Variants in DOCK8 observed in about 807,000 individuals in gnomAD.
The protein encoded by DOCK8 is dedicator of cytokinesis 8, also known as dedicator of cytokinesis protein 8.
DOCK8 carries 141 observed loss-of-function variants against 245.6 expected under a neutral mutation model. The ratio of observed to expected loss-of-function variants is 0.57; its 90% CI spans 0.50 to 0.66. The LOEUF is 0.66. Among genes scored for constraint, DOCK8 ranks in the 30% least tolerant of loss-of-function variants. DOCK8 has a pLI of 0.00. For missense variants in DOCK8, 2,965 were observed against 2,603.4 expected, an observed-to-expected ratio of 1.14 and a Z score of -3.02; for synonymous variants, 1,168 against 970.2, an observed-to-expected ratio of 1.20 and a Z score of -3.79.
At chr9:323,290 C>G (rs557150175) in intron 7 of DOCK8, among the ~76,000 whole-genome samples, 1 of 128,822 alleles carries the variant, frequency 7.8e-6, no homozygotes, top group African/African-American at 2.9e-5. Context: ...GTGGCATGAT[C>G]TCGGCTCACT....
intron 46 of DOCK8, among the ~76,000 whole-genome samples, chr9:455,799 A>C (rs1482147311): frequency 6.6e-6 from 1 of 151,872 alleles, no homozygotes; most frequent in Non-Finnish European, 1.5e-5. Context: ...ATAAAATAAA[A>C]TTTTAATGGC....
intron 2 of DOCK8, among the ~76,000 whole-genome samples, chr9:275,274 ACT>A (rs1377240303): frequency 6.6e-6 from 1 of 152,216 alleles, no homozygotes; most frequent in Non-Finnish European, 1.5e-5. Context: ...ATAAAAGGTG[ACT>A]TCAGCTCTGA....
chr9:268,381 A>G (rs1333730975), intron 1 of DOCK8: 1 of 152,236 alleles, frequency 6.6e-6, no homozygotes. Context: ...TATGTGGACG[A>G]CTGGAACAGA....
At chr9:288,348 C>G (rs964120469) in intron 3 of DOCK8, among the ~76,000 whole-genome samples, 1 of 152,134 alleles carries the variant, frequency 6.6e-6, no homozygotes, top group East Asian at 1.9e-4. Context: ...AACATGAACG[C>G]TACAGGTGAG....
chr9:446,730 T>G (rs1296533375), intron 44 of DOCK8, 124 bp downstream of exon 44: 3 of 859,842 alleles, frequency 3.5e-6, no homozygotes, highest in Non-Finnish European at 5.7e-6. Context: ...TGAAATATGA[T>G]TATATGGTTG....
intron 1 of DOCK8, among the ~76,000 whole-genome samples, chr9:223,515 A>T (rs978709235): frequency 6.6e-6 from 1 of 152,210 alleles, no homozygotes; most frequent in Admixed American, 6.5e-5. Context: ...GGGTCATGCC[A>T]CTAGGGATAA....
At chr9:252,309 C>G (rs2047669248) in intron 1 of DOCK8, among the ~76,000 whole-genome samples, 1 of 151,964 alleles carries the variant, frequency 6.6e-6, no homozygotes, top group South Asian at 2.1e-4. Flanking sequence ...GTTTGGAACT[C>G]TGAGTCTCTC....
At chr9:273,679 G>T (rs142197890) in intron 2 of DOCK8, among the ~76,000 whole-genome samples, 9 of 151,290 alleles carry the variant, frequency 5.9e-5, no homozygotes, top group African/African-American at 2.2e-4. Context: ...CTCCATACCA[G>T]CTTTTACTCT....
intron 14 of DOCK8, among the ~76,000 whole-genome samples, chr9:360,333 A>C (rs1301237182): frequency 6.6e-6 from 1 of 151,782 alleles, no homozygotes; most frequent in African/African-American, 2.4e-5. Context: ...AAAAAAAAAA[A>C]AAAAGAATAA....
At chr9:456,407 T>C (rs556669379) in intron 46 of DOCK8, 1 of 152,378 alleles carries the variant, frequency 6.6e-6, no homozygotes, top group South Asian at 2.1e-4. Context: ...GTTTCCCCTT[T>C]AGTAAGCTCC....
intron 1 of DOCK8, among the ~76,000 whole-genome samples, chr9:257,443 C>T (rs955237321): frequency 6.6e-6 from 1 of 152,154 alleles, no homozygotes; most frequent in East Asian, 1.9e-4. Context: ...CAGCAATAGA[C>T]CAGTGGTTCC....
At chr9:340,535 C>T (rs201635965) in intron 14 of DOCK8, 10 of 539,190 alleles carry the variant, frequency 1.9e-5, no homozygotes, top group East Asian at 1.6e-4. Flanking sequence ...GCAGGAGAAT[C>T]GCTTGAACCC....
rs566153864 is a variant in DOCK8, at chr9:345,690, A to C, written c.1679+5369A>C. On this transcript the variant is annotated intron_variant, in intron 14 of 47. Transcript: ENST00000432829. ...CAGTCCCCAGCCTCACCTTCCTCCC[A>C]CCTCTTCACTGCCTCTTTTCTTTGC... Among the ~76,000 whole-genome samples the C allele has an allele frequency of 1.9e-3, 282 of 151,936 alleles. 2 individuals carry two copies. The highest frequency in any genetic ancestry group is 2.1e-3 in the Non-Finnish European group (144 of 67,936).
chr9:221,418 CT>C (rs1162100536), intron 1 of DOCK8, among the ~76,000 whole-genome samples: 1 of 152,114 alleles, frequency 6.6e-6, no homozygotes, highest in African/African-American at 2.4e-5. Context: ...CATGTACAGA[CT>C]TTTTTCTTGT....
intron 17 of DOCK8, 99 bp from the exon 18 acceptor site, chr9:372,086 C>A (rs1464958162): frequency 9.6e-7 from 1 of 1,041,904 alleles, no homozygotes; most frequent in Non-Finnish European, 1.5e-6. Flanking sequence ...TCAATATCTA[C>A]TCACTGTTTA....
At chr9:341,520 GTCT>G (rs988008934) in intron 14 of DOCK8, among the ~76,000 whole-genome samples, 5 of 152,164 alleles carry the variant, frequency 3.3e-5, no homozygotes, top group Non-Finnish European at 5.9e-5. Context: ...TTCAGTTGAA[GTCT>G]TCTTTTATCC....
At chr9:266,559 T>C (rs1026300502) in intron 1 of DOCK8, among the ~76,000 whole-genome samples, 4 of 152,204 alleles carry the variant, frequency 2.6e-5, no homozygotes, top group Non-Finnish European at 5.9e-5. Flanking sequence ...TTTATCTAAG[T>C]AGCTGATGAC....
intron 31 of DOCK8, 93 bp from the exon 32 acceptor site, chr9:420,856 C>A: frequency 1.3e-6 from 2 of 1,538,530 alleles, no homozygotes; most frequent in Non-Finnish European, 1.8e-6. Context: ...TCAAACTTAG[C>A]TGGCATCACT....
intron 26 of DOCK8, among the ~76,000 whole-genome samples, chr9:400,593 C>T (rs2054900903): frequency 3.5e-5 from 4 of 112,882 alleles, no homozygotes; most frequent in South Asian, 3.2e-4. Context: ...ATCACCACCA[C>T]CTCCACCATC....
Sources: allele counts gnomAD v4.1 joint callset (sites outside exome capture counted in the v4.1 genomes callset), GRCh38; gene constraint gnomAD v4.1.1; transcripts MANE v1.5; gene names NCBI Gene and HGNC (gene_info 2026-07-23, HGNC 2026-07-21).